Variants in TRDN observed in about 807,000 individuals in gnomAD.
TRDN encodes triadin, also known as triadin in skeletal muscle.
In TRDN, 161 loss-of-function variants were observed where a neutral mutation model predicts 149.7. The ratio of observed to expected loss-of-function variants is 1.08; its 90% CI spans 0.95 to 1.23. The LOEUF (loss-of-function observed/expected upper bound fraction) is 1.23, where lower values mean the gene tolerates loss of function less well. Among genes scored for constraint, TRDN ranks in the 50% most tolerant of loss-of-function variants. The pLI is 0.00. For synonymous variants in TRDN, 294 were observed against 250.5 expected (o/e 1.17, Z -1.64); for missense variants, 896 against 823.5 (o/e 1.09, Z -1.08).
chr6:123,454,132 A>T (rs1430620308), intron 10 of TRDN, among the ~76,000 whole-genome samples: 1 of 151,920 alleles, frequency 6.6e-6, no homozygotes, highest in Non-Finnish European at 1.5e-5. Context: ...ACTTGGGGGA[A>T]GAGTGGGAGG....
At chr6:123,555,740 T>C (rs543526464) in intron 2 of TRDN, among the ~76,000 whole-genome samples, 94 of 152,282 alleles carry the variant, frequency 6.2e-4, no homozygotes, top group African/African-American at 2.2e-3. Context: ...TATTCACTTA[T>C]ATTGATCCTT....
intron 39 of TRDN, 113 bp downstream of exon 39, chr6:123,223,980 T>G: frequency 3.4e-6 from 3 of 891,094 alleles, no homozygotes; most frequent in Non-Finnish European, 5.0e-6. Context: ...AAATGTTGCC[T>G]AGAAAAGCTT....
At chr6:123,464,545 C>T (rs994781313) in intron 10 of TRDN, 38 of 1,009,452 alleles carry the variant, frequency 3.8e-5, no homozygotes, top group East Asian at 9.4e-5. Context: ...AGATTCAAAC[C>T]CAGCAAATCT....
At chr6:123,564,624 A>G (rs1251627010) in intron 2 of TRDN, among the ~76,000 whole-genome samples, 7 of 152,214 alleles carry the variant, frequency 4.6e-5, no homozygotes, top group Admixed American at 3.9e-4. Context: ...TTTAAAAGGC[A>G]CATCAGGAGA....
intron 21 of TRDN, among the ~76,000 whole-genome samples, chr6:123,344,245 T>A (rs887851723): frequency 1.3e-5 from 2 of 152,082 alleles, no homozygotes; most frequent in Non-Finnish European, 2.9e-5. Flanking sequence ...GTGGTACATT[T>A]ATTACCATCC....
intron 2 of TRDN, among the ~76,000 whole-genome samples, chr6:123,564,819 T>C (rs1407799347): frequency 2.0e-5 from 3 of 152,224 alleles, no homozygotes; most frequent in African/African-American, 7.2e-5. Context: ...TCTTACAAAA[T>C]TGGTTTGAAA....
intron 2 of TRDN, among the ~76,000 whole-genome samples, chr6:123,554,934 G>C (rs1781572044): frequency 1.3e-5 from 2 of 152,116 alleles, no homozygotes; most frequent in African/African-American, 4.8e-5. Flanking sequence ...AGGTTATAGG[G>C]TAGAAATGCT....
At chr6:123,607,158 T>C (rs976673801) in intron 1 of TRDN, among the ~76,000 whole-genome samples, 9 of 152,232 alleles carry the variant, frequency 5.9e-5, no homozygotes, top group African/African-American at 2.2e-4. Context: ...TAGGGATTAC[T>C]TTATTGATTC....
chr6:123,350,779 C>T, intron 21 of TRDN: 2 of 972,002 alleles, frequency 2.1e-6, no homozygotes, highest in Non-Finnish European at 2.4e-6. Context: ...TTTACCAAGT[C>T]AATATAAAAA....
intron 12 of TRDN, among the ~76,000 whole-genome samples, chr6:123,410,025 A>ATGAAGC (rs1207640319): frequency 6.6e-6 from 1 of 152,198 alleles, no homozygotes; most frequent in Non-Finnish European, 1.5e-5. Context: ...TTATCAAGAG[A>ATGAAGC]TGAAGCCAGA....
At chr6:123,247,982 AAAAC>A (rs1302317567) in intron 38 of TRDN, among the ~76,000 whole-genome samples, 2 of 152,216 alleles carry the variant, frequency 1.3e-5, no homozygotes, top group Non-Finnish European at 2.9e-5. Flanking sequence ...AGACCTGACA[AAAAC>A]AAACAATGGG....
rs184453423 is a variant in TRDN at position 123,422,305 on chromosome 6, T to G, written c.1051+15758A>C. Reference sequence around the variant, plus strand: ...GCCAATCAGAAAATTTCCTTAGAATTTTGAGTTCAGCATGTTTTTTCCTTG... The same window carrying G: ...GCCAATCAGAAAATTTCCTTAGAATGTTGAGTTCAGCATGTTTTTTCCTTG... On this transcript the variant is annotated intron_variant, in intron 12 of 40. Transcript: ENST00000334268. Among the ~76,000 whole-genome samples, 6 of 152,256 alleles carry G rather than the reference T, an allele frequency of 3.9e-5. No individual in the cohort carries two copies. In the East Asian group the frequency reaches 1.2e-3, roughly 29 times the overall value.
intron 16 of TRDN, among the ~76,000 whole-genome samples, chr6:123,380,969 T>C (rs1230137954): frequency 2.0e-5 from 3 of 152,016 alleles, no homozygotes; most frequent in Non-Finnish European, 4.4e-5. Flanking sequence ...ATCTACAGAT[T>C]ACAAAAAGAA....
intron 4 of TRDN, among the ~76,000 whole-genome samples, chr6:123,541,993 A>C (rs914696738): frequency 2.6e-5 from 4 of 152,192 alleles, no homozygotes; most frequent in Non-Finnish European, 5.9e-5. Flanking sequence ...GCTCTTTCTC[A>C]TTCGCTCAGA....
At chr6:123,387,849 C>T (rs1327785653) in intron 14 of TRDN, among the ~76,000 whole-genome samples, 2 of 151,888 alleles carry the variant, frequency 1.3e-5, no homozygotes, top group Non-Finnish European at 2.9e-5. Flanking sequence ...TTCTGGAGGA[C>T]TAAATGTCAG....
intron 12 of TRDN, among the ~76,000 whole-genome samples, chr6:123,427,775 A>T (rs1246188275): frequency 1.3e-5 from 2 of 152,178 alleles, no homozygotes; most frequent in African/African-American, 4.8e-5. Flanking sequence ...GGTTTATTTT[A>T]AAATATCTTT....
intron 10 of TRDN, chr6:123,439,894 C>T (rs1020303458): frequency 4.6e-5 from 7 of 152,168 alleles, no homozygotes; most frequent in African/African-American, 9.7e-5. Flanking sequence ...TGTAAATGTA[C>T]TGATTTTTAT....
At position 123,344,543 on chromosome 6, in the gene TRDN, C is replaced by T. The variant is rs529655461; in HGVS notation, c.1370-6874G>A. Among the ~76,000 whole-genome samples the T allele has an allele frequency of 3.3e-5, 5 of 152,088 alleles. No homozygotes were observed. The East Asian group carries it at 9.7e-4, about 29-fold the overall frequency. On this transcript the variant is annotated intron_variant, in intron 21 of 40. Transcript: ENST00000334268. Reference sequence around the variant, plus strand: ...AATTATACAACATGTTGACTCTTCACATTGGCATATTTCACTTAGAAATAT... The same window carrying T: ...AATTATACAACATGTTGACTCTTCATATTGGCATATTTCACTTAGAAATAT...
intron 1 of TRDN, among the ~76,000 whole-genome samples, chr6:123,617,800 G>C (rs1785176355): frequency 6.6e-6 from 1 of 152,052 alleles, no homozygotes; most frequent in Non-Finnish European, 1.5e-5. Context: ...GTGAAGTGGT[G>C]CGATGTTGGT....
Sources: allele counts gnomAD v4.1 joint callset (sites outside exome capture counted in the v4.1 genomes callset), GRCh38; gene constraint gnomAD v4.1.1; transcripts MANE v1.5; gene names NCBI Gene and HGNC (gene_info 2026-07-23, HGNC 2026-07-21).